Variants in PEX5L observed in about 807,000 individuals in gnomAD.
PEX5L encodes the protein PEX5-related protein.
Under a neutral mutation model 84.0 loss-of-function variants are expected in PEX5L, and 30 were observed. The observed-to-expected ratio is 0.36, with a 90% CI of 0.27 to 0.48. The LOEUF is 0.48. Among genes scored for constraint, PEX5L ranks in the 20% least tolerant of loss-of-function variants. The pLI, the probability that PEX5L is intolerant of heterozygous loss-of-function variation, is 0.99. For missense variants in PEX5L, 533 were observed against 754.6 expected, an observed-to-expected ratio of 0.71 and a Z score of 3.44; for synonymous variants, 270 against 283.1, an observed-to-expected ratio of 0.95 and a Z score of 0.46.
intron 8 of PEX5L, among the ~76,000 whole-genome samples, chr3:179,833,247 T>G (rs906502012): frequency 2.0e-5 from 3 of 152,218 alleles, no homozygotes; most frequent in Non-Finnish European, 2.9e-5. Context: ...GTGACAAAAC[T>G]GCATTACTTC....
rs28498062 is a variant in PEX5L, at chr3:179,829,636, C to A, written c.823-9660G>T. 2.6e-5 allele frequency among the ~76,000 whole-genome samples: 4 copies of A among 152,096 alleles called. No homozygotes were observed. In the East Asian group the frequency reaches 7.7e-4, roughly 29 times the overall value. ...GGCATTTATAGCTACAACTAAGCAA[C>A]CTTATGTCTAGGAATGAACGGGTTC... On this transcript the variant is annotated intron_variant, in intron 8 of 14. Transcript: ENST00000467460.
chr3:179,887,840 G>A, intron 3 of PEX5L, 56 bp from the exon 4 acceptor site: 2 of 1,114,522 alleles, frequency 1.8e-6, no homozygotes, highest in South Asian at 2.6e-5. Context: ...AGAGTCAGAT[G>A]AATTAAAATG....
At chr3:179,816,800 T>A (rs897377583) in intron 9 of PEX5L, among the ~76,000 whole-genome samples, 1 of 152,178 alleles carries the variant, frequency 6.6e-6, no homozygotes, top group Non-Finnish European at 1.5e-5. Flanking sequence ...TTTAAATTTC[T>A]GCTTTTCCTT....
chr3:179,820,921 T>C (rs1020410029), intron 8 of PEX5L, among the ~76,000 whole-genome samples: 2 of 152,076 alleles, frequency 1.3e-5, no homozygotes, highest in African/African-American at 2.4e-5. Flanking sequence ...AGTGGGAGAC[T>C]GGTGCTCAGT....
intron 1 of PEX5L, among the ~76,000 whole-genome samples, chr3:179,987,285 T>C (rs1052668080): frequency 3.3e-5 from 5 of 150,104 alleles, no homozygotes; most frequent in Non-Finnish European, 7.4e-5. Flanking sequence ...CCTTCCTCCT[T>C]CATTCCTCCC....
At chr3:179,919,990 A>G (rs1442966723) in intron 2 of PEX5L, among the ~76,000 whole-genome samples, 1 of 152,252 alleles carries the variant, frequency 6.6e-6, no homozygotes, top group Non-Finnish European at 1.5e-5. Flanking sequence ...GGCATGAGCC[A>G]CTGAGCTTGG....
chr3:179,949,695 C>A (rs1034259086), intron 2 of PEX5L, among the ~76,000 whole-genome samples: 7 of 152,102 alleles, frequency 4.6e-5, no homozygotes, highest in African/African-American at 1.7e-4. Context: ...GTAAGTCTAA[C>A]CAAACCCTCA....
intron 4 of PEX5L, 104 bp downstream of exon 4, chr3:179,887,569 G>A: frequency 1.3e-6 from 1 of 755,040 alleles, no homozygotes; most frequent in Non-Finnish European, 2.3e-6. Context: ...TCATTTGGTT[G>A]CAAACGTTCT....
At chr3:179,999,200 G>T (rs565227653) in intron 1 of PEX5L, among the ~76,000 whole-genome samples, 1 of 152,306 alleles carries the variant, frequency 6.6e-6, no homozygotes, top group African/African-American at 2.4e-5. Flanking sequence ...TGGGGAAAAG[G>T]TATGTGGATG....
At chr3:179,995,898 G>C (rs1255220285) in intron 1 of PEX5L, among the ~76,000 whole-genome samples, 1 of 152,164 alleles carries the variant, frequency 6.6e-6, no homozygotes, top group Non-Finnish European at 1.5e-5. Flanking sequence ...GGGGACGTGT[G>C]GGAGGACCCT....
At chr3:179,939,842 T>G (rs147450402) in intron 2 of PEX5L, among the ~76,000 whole-genome samples, 2 of 152,052 alleles carry the variant, frequency 1.3e-5, no homozygotes, top group African/African-American at 2.4e-5. Context: ...GTGTACATCA[T>G]GCAAAGTTGG....
rs1011726197 is a variant in PEX5L at position 179,912,196 on chromosome 3, G to C, written c.94-13950C>G. On this transcript the variant is annotated intron_variant, in intron 2 of 14. Coordinates refer to ENST00000467460, the MANE Select transcript of PEX5L (RefSeq NM_016559.3). Reference sequence around the variant, plus strand: ...GCCATTGTTAATGGAAGAGTAATTTGATAATATTGGTTTCAAGTTGCTTAA... The same window carrying C: ...GCCATTGTTAATGGAAGAGTAATTTCATAATATTGGTTTCAAGTTGCTTAA... Among the ~76,000 whole-genome samples the C allele has an allele frequency of 2.0e-5, 3 of 152,198 alleles. No homozygotes were observed. In the East Asian group the frequency reaches 5.8e-4, roughly 29 times the overall value.
chr3:179,921,018 C>A (rs904547294), intron 2 of PEX5L, among the ~76,000 whole-genome samples: 8 of 152,084 alleles, frequency 5.3e-5, no homozygotes, highest in African/African-American at 1.9e-4. Context: ...GAACCCTAAT[C>A]AATTACACAG....
At chr3:179,856,413 C>T (rs1164586900) in intron 8 of PEX5L, among the ~76,000 whole-genome samples, 2 of 152,074 alleles carry the variant, frequency 1.3e-5, no homozygotes, top group African/African-American at 2.4e-5. Flanking sequence ...TTATGGGATA[C>T]TTCGGCTTTT....
chr3:179,847,916 T>G (rs1285527354), intron 8 of PEX5L, among the ~76,000 whole-genome samples: 1 of 152,070 alleles, frequency 6.6e-6, no homozygotes, highest in Non-Finnish European at 1.5e-5. Flanking sequence ...CAGGCTGGTC[T>G]TGAACTCCTG....
At chr3:180,017,178 T>C (rs1040611797) in intron 1 of PEX5L, among the ~76,000 whole-genome samples, 4 of 152,188 alleles carry the variant, frequency 2.6e-5, no homozygotes, top group African/African-American at 9.6e-5. Flanking sequence ...TACGCCACCA[T>C]ATTTTTGACT....
At chr3:179,839,567 A>G (rs767220255) in intron 8 of PEX5L, among the ~76,000 whole-genome samples, 2 of 152,212 alleles carry the variant, frequency 1.3e-5, no homozygotes, top group African/African-American at 2.4e-5. Flanking sequence ...AGAAAAAGAA[A>G]CAGGATTCTT....
At chr3:179,928,345 T>C (rs1382912543) in intron 2 of PEX5L, among the ~76,000 whole-genome samples, 2 of 152,134 alleles carry the variant, frequency 1.3e-5, no homozygotes, top group Non-Finnish European at 2.9e-5. Flanking sequence ...CAGCCTGTGA[T>C]CCAACTGGGA....
At chr3:179,888,655 G>T (rs1383624159) in intron 3 of PEX5L, among the ~76,000 whole-genome samples, 8 of 150,168 alleles carry the variant, frequency 5.3e-5, no homozygotes, top group South Asian at 2.1e-4. Context: ...GTTTTTTTTG[G>T]GGGGGGTGGG....
Sources: allele counts gnomAD v4.1 joint callset (sites outside exome capture counted in the v4.1 genomes callset), GRCh38; gene constraint gnomAD v4.1.1; transcripts MANE v1.5; gene names NCBI Gene and HGNC (gene_info 2026-07-23, HGNC 2026-07-21).